Variants in ADAM18 observed in about 807,000 individuals in gnomAD.
ADAM18 encodes the protein disintegrin and metalloproteinase domain-containing protein 18.
ADAM18 carries 117 observed loss-of-function variants against 94.4 expected under a neutral mutation model. That is an observed-to-expected ratio of 1.24 (90% CI 1.07 to 1.45). ADAM18 has a LOEUF of 1.45. Among genes scored for constraint, ADAM18 ranks in the 40% most tolerant of loss-of-function variants. The probability of loss-of-function intolerance (pLI) is 0.00; values close to 1 mark genes in which losing one functional copy is unlikely to be tolerated. For missense variants in ADAM18, 936 were observed against 880.0 expected (o/e 1.06, Z -0.81); for synonymous variants, 327 against 291.6 (o/e 1.12, Z -1.24).
chr8:39,694,762 CATT>C (rs1490060302), intron 17 of ADAM18, among the ~76,000 whole-genome samples: 1 of 151,516 alleles, frequency 6.6e-6, no homozygotes, highest in Non-Finnish European at 1.5e-5. Flanking sequence ...ACTAATTATA[CATT>C]ATTATTAACT....
chr8:39,677,268 G>C (rs1391596829), intron 14 of ADAM18, among the ~76,000 whole-genome samples, 163 bp from the exon 15 acceptor site: 1 of 152,114 alleles, frequency 6.6e-6, no homozygotes, highest in Admixed American at 6.5e-5. Context: ...TGTAAGATAA[G>C]ACAATTATTT....
At chr8:39,706,645 C>T in intron 17 of ADAM18, 145 bp from the exon 18 acceptor site, 1 of 436,362 alleles carries the variant, frequency 2.3e-6, no homozygotes, top group Non-Finnish European at 4.0e-6. Context: ...TTTTTCTAAC[C>T]TATTTCTCAC....
At chr8:39,650,303 A>C (rs1171711119) in intron 12 of ADAM18, among the ~76,000 whole-genome samples, 1 of 152,184 alleles carries the variant, frequency 6.6e-6, no homozygotes, top group Non-Finnish European at 1.5e-5. Context: ...GTGAAGAAAA[A>C]ATTTCTTATG....
intron 2 of ADAM18, among the ~76,000 whole-genome samples, chr8:39,603,692 T>C (rs1239069818): frequency 6.6e-6 from 1 of 152,210 alleles, no homozygotes; most frequent in Non-Finnish European, 1.5e-5. Context: ...TAGTTTTGTG[T>C]TTTAAACTCT....
intron 7 of ADAM18, among the ~76,000 whole-genome samples, chr8:39,632,489 C>T (rs944176363): frequency 2.6e-5 from 4 of 152,044 alleles, no homozygotes; most frequent in Non-Finnish European, 5.9e-5. Flanking sequence ...GAGAACCATA[C>T]TTGTGTTTCT....
chr8:39,629,423 T>C lies in ADAM18; in HGVS notation c.572T>C (p.Ile191Thr), dbSNP rs1280072933. The part of the protein sequence containing the change: ...LLPQYLEIYI[I>T]VEKALYDYMG... ...CCCCAATATCTGGAAATATACATTA[T>C]AGTGGAAAAAGCTTTGGTAAGTATG... Residue 191 changes from isoleucine to threonine, a missense_variant, in exon 7 of 20, where the codon ATA becomes ACA. Coordinates refer to ENST00000265707, the MANE Select transcript of ADAM18 (RefSeq NM_014237.3). The C allele has an allele frequency of 1.9e-6, 3 of 1,583,234 alleles. No individual in the cohort carries two copies. The South Asian group carries it at 3.5e-5, about 18-fold the overall frequency.
At chr8:39,594,241 T>G (rs1818668752) in intron 2 of ADAM18, among the ~76,000 whole-genome samples, 1 of 152,158 alleles carries the variant, frequency 6.6e-6, no homozygotes, top group African/African-American at 2.4e-5. Flanking sequence ...AACCTTAATG[T>G]GTTTCTAAAT....
intron 14 of ADAM18, among the ~76,000 whole-genome samples, chr8:39,669,536 T>C (rs1419132143): frequency 1.4e-5 from 2 of 140,876 alleles, no homozygotes; most frequent in Non-Finnish European, 3.0e-5. Context: ...CATTGTTCAA[T>C]TTCCACCTAT....
chr8:39,588,943 T>C (rs560885368), intron 2 of ADAM18, among the ~76,000 whole-genome samples: 1 of 152,292 alleles, frequency 6.6e-6, no homozygotes, highest in East Asian at 1.9e-4. Flanking sequence ...TTGTGTATCT[T>C]AGTAAGTCTT....
intron 2 of ADAM18, among the ~76,000 whole-genome samples, chr8:39,589,503 A>G (rs183177680): frequency 1.3e-3 from 192 of 152,158 alleles, no homozygotes; most frequent in Non-Finnish European, 2.4e-3. Context: ...TATTGTGTAT[A>G]AATTATGTAT....
At chr8:39,629,553 T>G in intron 7 of ADAM18, 114 bp downstream of exon 7, 1 of 656,330 alleles carries the variant, frequency 1.5e-6, no homozygotes, top group South Asian at 2.4e-5. Flanking sequence ...TTCTTTCCCT[T>G]CCTCCATTGT....
intron 6 of ADAM18, 67 bp from the exon 7 acceptor site, chr8:39,629,307 G>T: frequency 7.9e-7 from 1 of 1,261,536 alleles, no homozygotes; most frequent in South Asian, 1.4e-5. Flanking sequence ...GTCTTTACAT[G>T]TCATCTTTTT....
intron 6 of ADAM18, among the ~76,000 whole-genome samples, chr8:39,626,781 T>C (rs780692801): frequency 2.0e-5 from 3 of 152,162 alleles, no homozygotes; most frequent in Non-Finnish European, 4.4e-5. Context: ...TGATATAATT[T>C]TGATTTTTAA....
intron 17 of ADAM18, among the ~76,000 whole-genome samples, chr8:39,702,181 C>T (rs1423935192): frequency 6.6e-6 from 1 of 152,188 alleles, no homozygotes; most frequent in East Asian, 1.9e-4. Context: ...AACAGCCATT[C>T]TGACTGGCAT....
intron 2 of ADAM18, among the ~76,000 whole-genome samples, chr8:39,595,803 A>C (rs1818725795): frequency 6.6e-6 from 1 of 152,120 alleles, no homozygotes; most frequent in Non-Finnish European, 1.5e-5. Context: ...GGATTGCAGG[A>C]GTGAGCCACC....
intron 17 of ADAM18, among the ~76,000 whole-genome samples, chr8:39,693,818 C>T (rs929519258): frequency 6.6e-6 from 1 of 150,862 alleles, no homozygotes; most frequent in East Asian, 1.9e-4. Flanking sequence ...AAAAGAAAAA[C>T]GACTTAAAAA....
chr8:39,649,359 A>G (rs1820464899), intron 12 of ADAM18, among the ~76,000 whole-genome samples: 2 of 151,784 alleles, frequency 1.3e-5, no homozygotes, highest in Non-Finnish European at 2.9e-5. Context: ...TTGTACATAT[A>G]TAGTACACAC....
intron 6 of ADAM18, among the ~76,000 whole-genome samples, chr8:39,625,749 A>T (rs550461249): frequency 6.6e-6 from 1 of 151,964 alleles, no homozygotes; most frequent in Admixed American, 6.6e-5. Context: ...TTATAAAGAG[A>T]TGCTGGATTT....
Position 39,694,855 on chromosome 8 carries a change from G to A in ADAM18, c.1902+2175G>A, listed in dbSNP as rs151285593. The stretch of plus-strand genomic sequence containing the variant: ...AATATATAGGTCTTTCAAAATATGC[G>A]TCTTAAAAAATATATGTGTCTTAAA... On this transcript the variant is annotated intron_variant, in intron 17 of 19. Coordinates refer to ENST00000265707, the MANE Select transcript of ADAM18 (RefSeq NM_014237.3). 9.6e-3 allele frequency among the ~76,000 whole-genome samples: 1,455 copies of A among 151,410 alleles called. 105 individuals are homozygous for A. The highest frequency in any genetic ancestry group is 0.086 in the Admixed American group (1,308 of 15,174).
Sources: gnomAD v4.1 joint callset for allele counts (sites outside exome capture counted in the v4.1 genomes callset) on GRCh38, gnomAD v4.1.1 for gene constraint, MANE v1.5 for transcripts, NCBI Gene and HGNC (gene_info 2026-07-23, HGNC 2026-07-21) for gene names.